LINGO2: variants seen among roughly 807,000 people sequenced by gnomAD.
LINGO2 encodes the protein leucine-rich repeat and immunoglobulin-like domain-containing nogo receptor-interacting protein 2.
A neutral mutation model predicts 30.6 loss-of-function variants in LINGO2; 14 were observed. That is an observed-to-expected ratio of 0.46 (90% CI 0.30 to 0.72). The LOEUF (loss-of-function observed/expected upper bound fraction) is 0.72. LINGO2 is among the 30% of genes least tolerant of loss of function. The pLI, the probability that LINGO2 is intolerant of heterozygous loss-of-function variation, is 0.07. For synonymous variants in LINGO2, 317 were observed against 288.5 expected (o/e 1.10, Z -1.00); for missense variants, 729 against 751.7 (o/e 0.97, Z 0.35).
At chr9:28,911,157 G>T in the LINGO2 span, among the ~76,000 whole-genome samples, 1 of 151,700 alleles carries the variant, frequency 6.6e-6, no homozygotes, top group South Asian at 2.1e-4. Flanking sequence ...AATGTTCAGG[G>T]GTAGAATATA....
intron 4 of LINGO2, among the ~76,000 whole-genome samples, chr9:28,217,548 C>T (rs1048202253): frequency 6.6e-5 from 10 of 152,134 alleles, no homozygotes; most frequent in Middle Eastern, 3.4e-3. Flanking sequence ...AGAAAAGACA[C>T]TTTTTGAAGA....
At chr9:29,008,800 G>A in the LINGO2 span, among the ~76,000 whole-genome samples, 2 of 151,674 alleles carry the variant, frequency 1.3e-5, no homozygotes, top group Non-Finnish European at 2.9e-5. Flanking sequence ...GTAAAAAAAC[G>A]AATTCCAGCA....
the LINGO2 span, among the ~76,000 whole-genome samples, chr9:28,995,897 C>CATGGATAGT: frequency 3.5e-3 from 537 of 151,886 alleles, 4 homozygotes; most frequent in African/African-American, 0.012. Context: ...GGAGGGATAG[C>CATGGATAGT]ATTAGGAGAT....
At chr9:28,276,731 C>T (rs1389722239) in intron 4 of LINGO2, among the ~76,000 whole-genome samples, 1 of 152,076 alleles carries the variant, frequency 6.6e-6, no homozygotes, top group Admixed American at 6.6e-5. Flanking sequence ...TTAACTGCAC[C>T]CTCCAGTTCC....
chr9:28,792,363 T>G, the LINGO2 span, among the ~76,000 whole-genome samples: 1 of 152,014 alleles, frequency 6.6e-6, no homozygotes, highest in Non-Finnish European at 1.5e-5. Flanking sequence ...TAAGATAAGC[T>G]AATCAGCAAA....
intron 3 of LINGO2, among the ~76,000 whole-genome samples, chr9:28,362,251 C>A (rs1006677571): frequency 2.0e-5 from 3 of 151,634 alleles, no homozygotes; most frequent in Admixed American, 6.6e-5. Context: ...TGTGTGTGCA[C>A]GTGTGTGTGT....
At chr9:28,900,990 T>G in the LINGO2 span, among the ~76,000 whole-genome samples, 3 of 151,912 alleles carry the variant, frequency 2.0e-5, no homozygotes, top group Non-Finnish European at 4.4e-5. Flanking sequence ...CAAATCAGAT[T>G]CAATCCAAAC....
At chr9:28,016,682 T>TAAA (rs72138034) in intron 4 of LINGO2, among the ~76,000 whole-genome samples, 6 of 115,314 alleles carry the variant, frequency 5.2e-5, no homozygotes, top group African/African-American at 2.0e-4. Context: ...ATTAAACCAG[T>TAAA]AAAAAAAAAA....
At chr9:28,062,807 G>T (rs1408020786) in intron 4 of LINGO2, among the ~76,000 whole-genome samples, 1 of 151,006 alleles carries the variant, frequency 6.6e-6, no homozygotes, top group Non-Finnish European at 1.5e-5. Flanking sequence ...TTTTTGGTAC[G>T]TTCATAGAGG....
At chr9:28,835,338 CAT>C in the LINGO2 span, among the ~76,000 whole-genome samples, 367 of 152,274 alleles carry the variant, frequency 2.4e-3, 1 homozygote, top group African/African-American at 8.3e-3. Context: ...AAATTAATAA[CAT>C]GTGCTATTCA....
the LINGO2 span, among the ~76,000 whole-genome samples, chr9:28,789,642 T>A: frequency 6.6e-6 from 1 of 151,880 alleles, no homozygotes; most frequent in Non-Finnish European, 1.5e-5. Flanking sequence ...TTAGAAAAAA[T>A]TAAGGTAAAG....
At chr9:28,355,980 A>C in intron 3 of LINGO2, among the ~76,000 whole-genome samples, 1 of 152,310 alleles carries the variant, frequency 6.6e-6, no homozygotes, top group South Asian at 2.1e-4. Flanking sequence ...CCAGATTCCC[A>C]GGATGTTACA....
the LINGO2 span, among the ~76,000 whole-genome samples, chr9:29,179,680 C>T: frequency 6.6e-6 from 1 of 152,182 alleles, no homozygotes; most frequent in Non-Finnish European, 1.5e-5. Context: ...GCTGGGATTA[C>T]AGGCGTGAGC....
chr9:28,796,025 G>GA, the LINGO2 span, among the ~76,000 whole-genome samples: 1 of 99,680 alleles, frequency 1.0e-5, no homozygotes, highest in Non-Finnish European at 2.1e-5. Context: ...CACAATTCAG[G>GA]AAAAAAACCT....
chr9:28,498,358 C>T (rs111969816), intron 1 of LINGO2, among the ~76,000 whole-genome samples: 35 of 152,290 alleles, frequency 2.3e-4, no homozygotes, highest in African/African-American at 6.7e-4. Context: ...TTAGCAATGG[C>T]GGGCGCCCCT....
At chr9:29,162,673 T>C in the LINGO2 span, among the ~76,000 whole-genome samples, 1 of 152,262 alleles carries the variant, frequency 6.6e-6, no homozygotes, top group African/African-American at 2.4e-5. Context: ...AGCTAATGTA[T>C]AATATGAATC....
intron 1 of LINGO2, among the ~76,000 whole-genome samples, chr9:28,537,756 G>A (rs1017664457): frequency 6.6e-6 from 1 of 151,534 alleles, no homozygotes; most frequent in Admixed American, 6.6e-5. Flanking sequence ...TATAACAATA[G>A]AATAGAGAGA....
At chr9:28,230,279 T>G (rs1587277842) in intron 4 of LINGO2, among the ~76,000 whole-genome samples, 2 of 151,910 alleles carry the variant, frequency 1.3e-5, no homozygotes, top group East Asian at 3.9e-4. Context: ...AAAATAAAAA[T>G]ACAGGTAAAC....
intron 3 of LINGO2, among the ~76,000 whole-genome samples, chr9:28,321,492 A>T (rs546608877): frequency 6.6e-6 from 1 of 152,316 alleles, no homozygotes; most frequent in Non-Finnish European, 1.5e-5. Context: ...ACTATGTGCC[A>T]GTGAATTGAT....
Sources: allele counts gnomAD v4.1 joint callset (sites outside exome capture counted in the v4.1 genomes callset), GRCh38; gene constraint gnomAD v4.1.1; transcripts MANE v1.5; gene names NCBI Gene and HGNC (gene_info 2026-07-23, HGNC 2026-07-21).